The following PDE4B variants were observed in gnomAD, a reference collection of about 807,000 sequenced individuals.
The protein encoded by PDE4B is phosphodiesterase 4B.
A neutral mutation model predicts 82.2 loss-of-function variants in PDE4B; 20 were observed. The observed-to-expected ratio is 0.24, with a 90% CI of 0.17 to 0.35. The LOEUF (loss-of-function observed/expected upper bound fraction) is 0.35, where lower values mean the gene tolerates loss of function less well. PDE4B is among the 10% of genes least tolerant of loss of function. The pLI is 1.00. For missense variants in PDE4B, 655 were observed against 907.2 expected, an observed-to-expected ratio of 0.72 and a Z score of 3.57; for synonymous variants, 320 against 318.9, an observed-to-expected ratio of 1.00 and a Z score of -0.04.
At chr1:66,135,212 A>G (rs1040914318) in intron 3 of PDE4B, among the ~76,000 whole-genome samples, 2 of 152,268 alleles carry the variant, frequency 1.3e-5, no homozygotes, top group African/African-American at 2.4e-5. Flanking sequence ...GTAGCTTGAG[A>G]TAAATATAGG....
At chr1:65,923,845 T>C (rs1448234703) in intron 3 of PDE4B, among the ~76,000 whole-genome samples, 1 of 152,202 alleles carries the variant, frequency 6.6e-6, no homozygotes, top group East Asian at 1.9e-4. Context: ...TTTCCCGGAC[T>C]TCTTGAATAT....
At chr1:66,006,932 T>C (rs537493699) in intron 3 of PDE4B, among the ~76,000 whole-genome samples, 108 of 152,116 alleles carry the variant, frequency 7.1e-4, no homozygotes, top group African/African-American at 2.4e-3. Context: ...AGTGTGAGAA[T>C]AGACTAATAC....
intron 3 of PDE4B, among the ~76,000 whole-genome samples, chr1:65,942,494 G>T (rs1021184948): frequency 1.3e-5 from 2 of 151,834 alleles, no homozygotes; most frequent in Non-Finnish European, 2.9e-5. Flanking sequence ...TATTAACATG[G>T]TAGTGCAGAT....
At chr1:66,165,594 A>G (rs927604158) in intron 3 of PDE4B, among the ~76,000 whole-genome samples, 17 of 152,304 alleles carry the variant, frequency 1.1e-4, no homozygotes, top group African/African-American at 3.8e-4. Context: ...GTAATTCTAT[A>G]TAATAGCAAT....
At chr1:65,876,086 GT>G (rs1646639496) in intron 1 of PDE4B, among the ~76,000 whole-genome samples, 1 of 152,028 alleles carries the variant, frequency 6.6e-6, no homozygotes, top group Non-Finnish European at 1.5e-5. Flanking sequence ...GGGGGCGGAA[GT>G]TTTTTTAGAA....
chr1:66,368,750 C>G (rs1337013607), intron 15 of PDE4B, 37 bp from the exon 16 acceptor site: 4 of 1,469,728 alleles, frequency 2.7e-6, no homozygotes, highest in Non-Finnish European at 3.6e-6. Flanking sequence ...GTATTTACAC[C>G]TAATTTTATG....
At chr1:66,324,765 T>C (rs1659631781) in intron 7 of PDE4B, among the ~76,000 whole-genome samples, 1 of 152,170 alleles carries the variant, frequency 6.6e-6, no homozygotes, top group Admixed American at 6.5e-5. Context: ...AGAAAGGCTA[T>C]ATAGGGCTTG....
chr1:66,167,081 G>A (rs1438604302), intron 3 of PDE4B, among the ~76,000 whole-genome samples: 3 of 152,154 alleles, frequency 2.0e-5, no homozygotes, highest in Non-Finnish European at 2.9e-5. Context: ...AGGGAAATTG[G>A]AACTCTCATA....
At chr1:66,220,518 C>A (rs1650893020) in intron 3 of PDE4B, among the ~76,000 whole-genome samples, 1 of 152,100 alleles carries the variant, frequency 6.6e-6, no homozygotes, top group African/African-American at 2.4e-5. Flanking sequence ...ATGCTGCTTG[C>A]AAGCTGAGAT....
At position 66,363,654 on chromosome 1, in the gene PDE4B, G is replaced by A. The variant is rs1662997517; in HGVS notation, c.1284+83G>A. On this transcript the variant is annotated intron_variant, in intron 12 of 16. Coordinates refer to ENST00000341517, the MANE Select transcript of PDE4B (RefSeq NM_002600.4). ...CAGCTGGATGTAGTAGCATGTGCCT[G>A]TAGTCCTAGCTACTCGGGAGGCTGA... 36 of 1,150,400 alleles carry A rather than the reference G, an allele frequency of 3.1e-5. No homozygotes were observed. The South Asian group carries it at 4.8e-4, about 15-fold the overall frequency. 71.3% of individuals were successfully genotyped at this position (1,150,400 alleles called of 1,614,324 possible). A position where few individuals can be genotyped will look rare whatever the true frequency, so the allele number is the denominator to read the frequency against.
chr1:66,049,859 C>T (rs934319031), intron 3 of PDE4B, among the ~76,000 whole-genome samples: 8 of 151,908 alleles, frequency 5.3e-5, no homozygotes, highest in Non-Finnish European at 1.0e-4. Flanking sequence ...TGTATAAATA[C>T]GAATTGGATC....
intron 1 of PDE4B, among the ~76,000 whole-genome samples, chr1:65,894,039 C>T (rs1353404269): frequency 6.6e-6 from 1 of 151,928 alleles, no homozygotes; most frequent in Non-Finnish European, 1.5e-5. Flanking sequence ...ACATATTGGG[C>T]ACAGTGTACA....
rs528487843 is a variant in PDE4B, at chr1:66,373,143, C to T, written c.*465C>T. The T allele has an allele frequency of 6.4e-6, 1 of 157,356 alleles. No homozygotes were observed. Among genetic ancestry groups the T allele is most frequent in the East Asian group, 1.9e-4 (1 of 5,378 alleles). The allele number at this position is 157,356 out of a possible 1,614,324, so 9.7% of individuals were successfully genotyped here. On this transcript the variant is annotated 3_prime_UTR_variant, in exon 17 of 17. Transcript: ENST00000341517. The stretch of plus-strand genomic sequence containing the variant: ...TTGAATACCTGGAGTTTAGTATCAA[C>T]TTCTACACAGATAAGCTTTCAAAGT...
At chr1:66,320,718 G>C (rs1659340605) in intron 7 of PDE4B, among the ~76,000 whole-genome samples, 1 of 152,086 alleles carries the variant, frequency 6.6e-6, no homozygotes, top group Admixed American at 6.5e-5. Context: ...CCCTCAAGAA[G>C]GTTAGAATCT....
chr1:65,805,311 C>A (rs1645742786), intron 1 of PDE4B, among the ~76,000 whole-genome samples: 1 of 152,086 alleles, frequency 6.6e-6, no homozygotes. Context: ...ATGTCATGAC[C>A]AACTCCATTC....
chr1:66,063,306 T>A (rs1655677822), intron 3 of PDE4B, among the ~76,000 whole-genome samples: 1 of 152,014 alleles, frequency 6.6e-6, no homozygotes, highest in African/African-American at 2.4e-5. Flanking sequence ...ACCCTGGCTA[T>A]CCTTTAGAAT....
At chr1:65,875,084 G>T (rs914488159) in intron 1 of PDE4B, among the ~76,000 whole-genome samples, 17 of 151,590 alleles carry the variant, frequency 1.1e-4, no homozygotes, top group Non-Finnish European at 2.1e-4. Context: ...AATCTACAAT[G>T]AACTCAAACA....
intron 4 of PDE4B, chr1:66,257,224 A>T: frequency 5.2e-6 from 1 of 191,226 alleles, no homozygotes; most frequent in Non-Finnish European, 1.1e-5. Flanking sequence ...AAAAGCCAGG[A>T]AATCCAAAGT....
intron 3 of PDE4B, among the ~76,000 whole-genome samples, chr1:66,148,464 A>C (rs1646319156): frequency 6.6e-6 from 1 of 152,062 alleles, no homozygotes; most frequent in East Asian, 1.9e-4. Context: ...TACTTTCTAT[A>C]GTTTGTTGTT....
Sources: gnomAD v4.1 joint callset for allele counts (sites outside exome capture counted in the v4.1 genomes callset) on GRCh38, gnomAD v4.1.1 for gene constraint, MANE v1.5 for transcripts, NCBI Gene and HGNC (gene_info 2026-07-23, HGNC 2026-07-21) for gene names.